Variants in PDS5B observed in about 807,000 individuals in gnomAD.
PDS5B encodes sister chromatid cohesion protein PDS5 homolog B.
PDS5B carries 51 observed loss-of-function variants against 184.1 expected under a neutral mutation model. The observed-to-expected ratio is 0.28, with a 90% CI of 0.22 to 0.35. The LOEUF (loss-of-function observed/expected upper bound fraction) is 0.35, where lower values mean the gene tolerates loss of function less well. PDS5B is among the 10% of genes least tolerant of loss of function. The pLI is 1.00. For synonymous variants in PDS5B, 566 were observed against 569.2 expected, an observed-to-expected ratio of 0.99 and a Z score of 0.08; for missense variants, 1,180 against 1,723.3, an observed-to-expected ratio of 0.68 and a Z score of 5.58.
intron 1 of PDS5B, among the ~76,000 whole-genome samples, chr13:32,610,385 A>G (rs2140507163): frequency 6.6e-6 from 1 of 152,208 alleles, no homozygotes; most frequent in East Asian, 1.9e-4. Flanking sequence ...TACCCTATGT[A>G]AAGTGCTTAA....
chr13:32,769,974 T>C (rs1217724581), intron 31 of PDS5B, 147 bp from the exon 32 acceptor site: 15 of 571,786 alleles, frequency 2.6e-5, no homozygotes, highest in Non-Finnish European at 3.7e-5. Context: ...TAAAAGCAAA[T>C]AAATACAGTT....
chr13:32,614,610 T>A (rs1442809442), intron 1 of PDS5B, among the ~76,000 whole-genome samples: 1 of 152,214 alleles, frequency 6.6e-6, no homozygotes, highest in African/African-American at 2.4e-5. Context: ...CATTGGATTT[T>A]CAATAGTTTA....
At chr13:32,592,109 C>T (rs2057785296) in intron 1 of PDS5B, among the ~76,000 whole-genome samples, 1 of 152,158 alleles carries the variant, frequency 6.6e-6, no homozygotes. Flanking sequence ...TCTGCTTATC[C>T]TGTCTCATCA....
chr13:32,688,481 CAA>C lies in PDS5B; in HGVS notation c.1382_1383del (p.Gln461LeufsTer33), dbSNP rs1388925567. 1 of 1,596,264 alleles carries C rather than the reference CAA, an allele frequency of 6.3e-7. No individual in the cohort carries two copies. The highest frequency in any genetic ancestry group is 8.6e-7 in the Non-Finnish European group (1 of 1,167,952). On this transcript the variant is annotated frameshift_variant, in exon 13 of 35. Transcript: ENST00000315596. LOFTEE classifies it high-confidence loss of function. ...ACTACTTGTTGAACGGATCTTTGCTCAATACATGGTTCCTCACAATTTAGAAA... is the reference window on the plus strand; with the variant it reads ...ACTACTTGTTGAACGGATCTTTGCTCTACATGGTTCCTCACAATTTAGAAA... ...DRLLVERIFA[Q>X]YMVPHNLETT...
chr13:32,699,855 G>T lies in PDS5B; in HGVS notation c.1726G>T (p.Ala576Ser). The T allele has an allele frequency of 3.8e-6, 6 of 1,567,614 alleles. No individual in the cohort carries two copies. The highest frequency in any genetic ancestry group is 5.2e-6 in the Non-Finnish European group (6 of 1,162,512). ...LVSPTCSCKQAEGCVREITKK... is the reference protein window; with the variant it reads ...LVSPTCSCKQSEGCVREITKK... ...TAGTCCAACATGCTCCTGCAAGCAGGCTGAAGGTTGTGTGGTAAGGAGAGA... is the reference window on the plus strand; with the variant it reads ...TAGTCCAACATGCTCCTGCAAGCAGTCTGAAGGTTGTGTGGTAAGGAGAGA... Residue 576 changes from alanine to serine, a missense_variant, in exon 16 of 35, where the codon GCT becomes TCT. Transcript: ENST00000315596.
At chr13:32,761,670 T>C (rs1281248038) in intron 30 of PDS5B, among the ~76,000 whole-genome samples, 3 of 152,184 alleles carry the variant, frequency 2.0e-5, no homozygotes, top group Non-Finnish European at 4.4e-5. Flanking sequence ...TATTCCATGG[T>C]ATATATGAAC....
At chr13:32,698,454 T>G (rs1951770030) in intron 15 of PDS5B, among the ~76,000 whole-genome samples, 1 of 152,226 alleles carries the variant, frequency 6.6e-6, no homozygotes, top group South Asian at 2.1e-4. Flanking sequence ...GCTTATTATG[T>G]AAACTTATAA....
intron 24 of PDS5B, among the ~76,000 whole-genome samples, chr13:32,750,954 G>A (rs1953961570): frequency 6.6e-6 from 1 of 151,448 alleles, no homozygotes; most frequent in African/African-American, 2.4e-5. Flanking sequence ...TGTCACAGAA[G>A]TTAGGTGTAC....
chr13:32,768,948 A>T (rs1264940587), intron 31 of PDS5B, among the ~76,000 whole-genome samples: 7 of 37,046 alleles, frequency 1.9e-4, no homozygotes, highest in Non-Finnish European at 3.5e-4. Flanking sequence ...AAAAAAATAC[A>T]AAAAAAAAAA....
chr13:32,699,678 A>T (rs1951810952), intron 15 of PDS5B, 52 bp from the exon 16 acceptor site: 1 of 1,033,190 alleles, frequency 9.7e-7, no homozygotes, highest in African/African-American at 1.7e-5. Flanking sequence ...ACCTATTATT[A>T]TTTTAAGAAT....
At chr13:32,613,986 A>G (rs1284136860) in intron 1 of PDS5B, among the ~76,000 whole-genome samples, 1 of 152,178 alleles carries the variant, frequency 6.6e-6, no homozygotes, top group Admixed American at 6.5e-5. Flanking sequence ...TTTGTTGAAA[A>G]GACTGTTCTT....
rs747985772 is a variant in PDS5B, at chr13:32,661,385, CAAAAAAA to C, written c.624+2124_624+2130del. Among the ~76,000 whole-genome samples the C allele has an allele frequency of 1.7e-3, 56 of 32,018 alleles. 1 individual carries two copies. Among genetic ancestry groups the C allele is most frequent in the South Asian group, 1.8e-3 (1 of 542 alleles). The allele number at this position is 32,018 out of a possible 152,430, so 21.0% of individuals were successfully genotyped here. A position where few individuals can be genotyped will look rare whatever the true frequency, so the allele number is the denominator to read the frequency against. ...TGGGTGACAGAGTGAGACTCTGTCT[CAAAAAAA>C]AAAAAAAAAAAAAAAAAACAGAAAA... On this transcript the variant is annotated intron_variant, in intron 6 of 34. Transcript: ENST00000315596.
At chr13:32,617,261 A>G (rs1453303644) in intron 1 of PDS5B, among the ~76,000 whole-genome samples, 1 of 152,228 alleles carries the variant, frequency 6.6e-6, no homozygotes, top group Non-Finnish European at 1.5e-5. Flanking sequence ...CTTGGCCACC[A>G]GTTAGCACCT....
At chr13:32,690,104 TATAA>T (rs1239968936) in intron 13 of PDS5B, 4 of 152,186 alleles carry the variant, frequency 2.6e-5, no homozygotes, top group African/African-American at 9.7e-5. Context: ...CTTCTATAAA[TATAA>T]ATAATAAAGG....
At chr13:32,595,182 GT>G (rs993562066) in intron 1 of PDS5B, among the ~76,000 whole-genome samples, 2 of 151,638 alleles carry the variant, frequency 1.3e-5, no homozygotes, top group African/African-American at 4.8e-5. Flanking sequence ...AAAAAAAAAT[GT>G]TGTAGGGGAT....
At chr13:32,752,653 A>G (rs2140997098) in intron 24 of PDS5B, among the ~76,000 whole-genome samples, 1 of 152,308 alleles carries the variant, frequency 6.6e-6, no homozygotes, top group South Asian at 2.1e-4. Flanking sequence ...TATATAAGCT[A>G]TCTTTAAGGA....
intron 21 of PDS5B, among the ~76,000 whole-genome samples, chr13:32,738,864 G>T (rs1303388994): frequency 6.6e-6 from 1 of 151,964 alleles, no homozygotes; most frequent in Non-Finnish European, 1.5e-5. Flanking sequence ...TAGAGATGGG[G>T]TTTCACCATG....
intron 22 of PDS5B, among the ~76,000 whole-genome samples, chr13:32,741,358 A>G (rs1205015278): frequency 6.6e-6 from 1 of 151,344 alleles, no homozygotes; most frequent in Non-Finnish European, 1.5e-5. Flanking sequence ...ATTTGAGGAG[A>G]AAAAAAGGTT....
rs559105345 is a variant in PDS5B, at chr13:32,707,246, A to G, written c.1962+207A>G. On this transcript the variant is annotated intron_variant, in intron 18 of 34. Coordinates refer to ENST00000315596, the MANE Select transcript of PDS5B (RefSeq NM_015032.4). ...TTTAAATGCTGTAATCTAGCCTAGT[A>G]CTAATTATATTAAAATAGTGGAGTA... is the stretch of plus-strand genomic sequence containing the variant. Among the ~76,000 whole-genome samples the G allele has an allele frequency of 4.6e-5, 7 of 152,286 alleles. No homozygotes were observed. In the South Asian group the frequency reaches 1.2e-3, roughly 27 times the overall value.
Sources: allele counts gnomAD v4.1 joint callset (sites outside exome capture counted in the v4.1 genomes callset), GRCh38; gene constraint gnomAD v4.1.1; transcripts MANE v1.5; gene names NCBI Gene and HGNC (gene_info 2026-07-23, HGNC 2026-07-21).